Variants in SFPQ observed in about 807,000 individuals in gnomAD.
SFPQ encodes the protein splicing factor, proline- and glutamine-rich.
In SFPQ, 11 loss-of-function variants were observed where a neutral mutation model predicts 72.9. That is an observed-to-expected ratio of 0.15 (90% CI 0.09 to 0.25). The LOEUF is 0.25. Among genes scored for constraint, SFPQ ranks in the 10% least tolerant of loss-of-function variants. The probability of loss-of-function intolerance (pLI) is 1.00; values close to 1 mark genes in which losing one functional copy is unlikely to be tolerated. For missense variants in SFPQ, 847 were observed against 993.3 expected (o/e 0.85, Z 1.98); for synonymous variants, 506 against 367.3 (o/e 1.38, Z -4.32).
rs1002066043 is a variant in SFPQ, at chr1:35,192,537, G to A, written c.513C>T (p.Ser171=). 1 of 1,328,224 alleles carries A rather than the reference G, an allele frequency of 7.5e-7. No individual in the cohort carries two copies. The highest frequency in any genetic ancestry group is 3.1e-5 in the East Asian group (1 of 31,922). 82.3% of individuals were successfully genotyped at this position (1,328,224 alleles called of 1,614,324 possible). A position where few individuals can be genotyped will look rare whatever the true frequency, so the allele number is the denominator to read the frequency against. ...GAGGAGGTGTGGTAGGGACCCCGCTGCTTGGCGGGGTGGGTGGCGGCGCCC... is the reference window on the plus strand; with the variant it reads ...GAGGAGGTGTGGTAGGGACCCCGCTACTTGGCGGGGTGGGTGGCGGCGCCC... ...PPGAPPPTPP[S]SGVPTTPPQA... is the part of the protein sequence containing the mutation. The change falls in exon 1 of 10, where the codon AGC becomes AGT. Residue 171 remains serine, a synonymous_variant. Transcript: ENST00000357214.
downstream of SFPQ, chr1:35,182,668 G>GA: frequency 1.0e-6 from 1 of 985,330 alleles, no homozygotes; most frequent in Non-Finnish European, 1.2e-6. Flanking sequence ...TTAGCACCAA[G>GA]AAAAGAGGTG....
At chr1:35,182,434 T>C (rs1195209780), downstream of SFPQ, 1 of 985,286 alleles carries the variant, frequency 1.0e-6, no homozygotes, top group Non-Finnish European at 1.2e-6. Context: ...TGAGCATTAC[T>C]TTCTAATGAG....
At chr1:35,180,581 G>T, downstream of SFPQ, 1 of 1,049,044 alleles carries the variant, frequency 9.5e-7, no homozygotes, top group Non-Finnish European at 1.2e-6. Context: ...CTAAGCCCAA[G>T]TTAGTAACAA....
Position 35,190,963 on chromosome 1 carries a change from G to C in SFPQ, c.1050C>G (p.Ala350=). ...ESRALAEIAK[A]ELDDTPMRGR... is the part of the protein sequence containing the mutation. ...CTCTCATGGGTGTATCATCCAGTTC[G>C]GCTTTGGCAATTTCAGCCAAAGCTC... Residue 350 remains alanine (A), a synonymous_variant, in exon 3 of 10, where the codon GCC becomes GCG. Transcript: ENST00000357214. 1.2e-6 allele frequency: 2 copies of C among 1,613,824 alleles called. No homozygotes were observed. The highest frequency in any genetic ancestry group is 1.7e-6 in the Non-Finnish European group (2 of 1,179,942).
Position 35,192,779 on chromosome 1 carries a change from G to A in SFPQ, c.271C>T (p.Pro91Ser). ...GGCTGCTGCTGCTGATGCGGCTGTG[G>A]ATGCGGCGGCGGCTGATGCGGTGGC... ...QPPPHQPPPH[P>S]QPHQQQQPPP... The change falls in exon 1 of 10, where the codon CCA (proline) becomes TCA (serine). Residue 91 changes from proline to serine, a missense_variant. Coordinates refer to ENST00000357214, the MANE Select transcript of SFPQ (RefSeq NM_005066.3). The A allele has an allele frequency of 2.7e-6, 4 of 1,500,746 alleles. No homozygotes were observed. Among genetic ancestry groups the A allele is most frequent in the Non-Finnish European group, 3.5e-6 (4 of 1,129,810 alleles). 93.0% of individuals were successfully genotyped at this position (1,500,746 alleles called of 1,614,324 possible). A position where few individuals can be genotyped will look rare whatever the true frequency, so the allele number is the denominator to read the frequency against.
At chr1:35,190,307 T>C (rs1006137361) in intron 4 of SFPQ, among the ~76,000 whole-genome samples, 191 bp downstream of exon 4, 1 of 152,258 alleles carries the variant, frequency 6.6e-6, no homozygotes, top group Non-Finnish European at 1.5e-5. Flanking sequence ...TGCATGTGAA[T>C]GTATCCACCT....
downstream of SFPQ, chr1:35,178,022 A>G: frequency 2.3e-6 from 3 of 1,298,968 alleles, no homozygotes; most frequent in Non-Finnish European, 3.0e-6. Flanking sequence ...ATCAGCCAAC[A>G]TCAATCATTC....
At chr1:35,186,588 A>T (rs1363336306) in intron 9 of SFPQ, among the ~76,000 whole-genome samples, 1 of 152,052 alleles carries the variant, frequency 6.6e-6, no homozygotes, top group Non-Finnish European at 1.5e-5. Flanking sequence ...GCTTCAAACT[A>T]CAAGTCTGAT....
chr1:35,181,812 T>A (rs987887166), downstream of SFPQ: 18 of 984,684 alleles, frequency 1.8e-5, no homozygotes, highest in Non-Finnish European at 1.8e-5. Flanking sequence ...AAATTCACAT[T>A]AGGCTAAAAA....
In SFPQ at chr1:35,192,984, GCCT is replaced by G; in HGVS notation, c.63_65del (p.Gly24del). Reference sequence around the variant, plus strand: ...AGTCGTGGAGGCCGCCGCGGCCGCCGCCTCCTCCACGCCTGTGGAAGCCACCAC... The same window carrying G: ...AGTCGTGGAGGCCGCCGCGGCCGCCGCCTCCACGCCTGTGGAAGCCACCAC... On this transcript the variant is annotated inframe_deletion, in exon 1 of 10. Coordinates refer to ENST00000357214, the MANE Select transcript of SFPQ (RefSeq NM_005066.3). 4 of 1,564,034 alleles carry G rather than the reference GCCT, an allele frequency of 2.6e-6. No homozygotes were observed. The South Asian group carries it at 3.4e-5, about 13-fold the overall frequency.
intron 6 of SFPQ, 129 bp from the exon 7 acceptor site, chr1:35,188,219 A>G (rs1639819658): frequency 1.4e-6 from 1 of 710,124 alleles, no homozygotes; most frequent in African/African-American, 1.8e-5. Flanking sequence ...GAGTGAGCCT[A>G]GGGGCATAGT....
Position 35,184,153 on chromosome 1 carries a change from T to C in SFPQ, c.*303A>G, listed in dbSNP as rs1382600631. On this transcript the variant is annotated 3_prime_UTR_variant, in exon 10 of 10. Transcript: ENST00000357214. ...ATTTTTCTATTTATTTGAAGCACAG[T>C]AAAAAAAAAAAAATTGGTACACTTT... 5.3e-5 allele frequency: 48 copies of C among 907,176 alleles called. No homozygotes were observed. The highest frequency in any genetic ancestry group is 6.0e-5 in the Non-Finnish European group (44 of 732,990). 56.2% of individuals were successfully genotyped at this position (907,176 alleles called of 1,614,324 possible).
At chr1:35,181,783 GAAACTATTAAGATTAT>G (rs1639479564), downstream of SFPQ, 1 of 985,028 alleles carries the variant, frequency 1.0e-6, no homozygotes, top group South Asian at 4.7e-5. Context: ...CGACTTTTAG[GAAACTATTAAGATTAT>G]TTAAATTCAC....
In SFPQ at chr1:35,192,754, GGCTGCT is replaced by G. The variant is rs536204523; in HGVS notation, c.290_295del (p.Gln97_Gln98del). On this transcript the variant is annotated inframe_deletion, in exon 1 of 10. Coordinates refer to ENST00000357214, the MANE Select transcript of SFPQ (RefSeq NM_005066.3). Reference sequence around the variant, plus strand: ...GGAAGAGTCCTGCGGCGGTGGCGGCGGCTGCTGCTGCTGATGCGGCTGTGGATGCGG... The same window carrying G: ...GGAAGAGTCCTGCGGCGGTGGCGGCGGCTGCTGATGCGGCTGTGGATGCGG... 1.1e-5 allele frequency: 16 copies of G among 1,493,544 alleles called. No homozygotes were observed. Among genetic ancestry groups the G allele is most frequent in the Non-Finnish European group, 1.4e-5 (16 of 1,127,670 alleles). The allele number at this position is 1,493,544 out of a possible 1,614,324, so 92.5% of individuals were successfully genotyped here. A position where few individuals can be genotyped will look rare whatever the true frequency, so the allele number is the denominator to read the frequency against.
At chr1:35,191,279 G>A (rs948283071) in intron 2 of SFPQ, 62 bp downstream of exon 2, 1 of 1,371,856 alleles carries the variant, frequency 7.3e-7, no homozygotes. Context: ...TTCAGCGTTT[G>A]TAGTGACAAA....
At chr1:35,188,116 C>T (rs760744628) in intron 6 of SFPQ, 26 bp from the exon 7 acceptor site, 24 of 1,495,114 alleles carry the variant, frequency 1.6e-5, no homozygotes, top group Non-Finnish European at 1.9e-6. Context: ...AGGTACATAA[C>T]TGAAGTGTTA....
At chr1:35,188,452 C>G (rs1048649954) in intron 6 of SFPQ, among the ~76,000 whole-genome samples, 2 of 152,120 alleles carry the variant, frequency 1.3e-5, no homozygotes, top group African/African-American at 4.8e-5. Flanking sequence ...AATCTCAGTA[C>G]TTTAGGAGGC....
At chr1:35,179,256 C>T, downstream of SFPQ, 1 of 1,061,108 alleles carries the variant, frequency 9.4e-7, no homozygotes, top group South Asian at 4.6e-5. Flanking sequence ...AGACATGCAA[C>T]CCCCATTAAG....
chr1:35,193,124 C>T lies in SFPQ; in HGVS notation c.-75G>A. On this transcript the variant is annotated 5_prime_UTR_variant, in exon 1 of 10. It adds an upstream start codon to the 5' untranslated region. Coordinates refer to ENST00000357214, the MANE Select transcript of SFPQ (RefSeq NM_005066.3). ...AACGTGGAGGCCACCTTGCTTCTCA[C>T]AAAATGGCGGATGACACAGGCGGCG... The T allele has an allele frequency of 4.0e-6, 6 of 1,484,950 alleles. No homozygotes were observed. Among genetic ancestry groups the T allele is most frequent in the South Asian group, 2.6e-5 (2 of 76,298 alleles). 92.0% of individuals were successfully genotyped at this position (1,484,950 alleles called of 1,614,324 possible).
Sources: gnomAD v4.1 joint callset for allele counts (sites outside exome capture counted in the v4.1 genomes callset) on GRCh38, gnomAD v4.1.1 for gene constraint, MANE v1.5 for transcripts, NCBI Gene and HGNC (gene_info 2026-07-23, HGNC 2026-07-21) for gene names.